Variants in TRIM32 observed in about 807,000 individuals in gnomAD.
The protein encoded by TRIM32 is E3 ubiquitin-protein ligase TRIM32.
In TRIM32, 19 loss-of-function variants were observed where a neutral mutation model predicts 36.0. The ratio of observed to expected loss-of-function variants is 0.53; its 90% CI spans 0.37 to 0.77. TRIM32 has a LOEUF of 0.77. Ranked by LOEUF, TRIM32 falls within the 30% of genes least tolerant of loss-of-function variation. TRIM32 has a pLI of 0.00. For missense variants in TRIM32, 747 were observed against 845.2 expected (o/e 0.88, Z 1.44); for synonymous variants, 309 against 318.5 (o/e 0.97, Z 0.32).
At position 116,698,190 on chromosome 9, in the gene TRIM32, G is replaced by A. The variant is rs755561234; in HGVS notation, c.448G>A (p.Gly150Arg). The part of the protein sequence containing the change: ...EAAEERRRDF[G>R]EKLTRLRELM... ...AGCTGAGGAGCGGCGTCGGGACTTT[G>A]GAGAGAAGTTAACTCGTCTGCGGGA... The change falls in exon 2 of 2, where the codon GGA becomes AGA. Residue 150 changes from glycine to arginine, a missense_variant. By Grantham distance (125) the Gly-to-Arg change is moderately radical. Transcript: ENST00000450136. The surrounding 1 kb of genome is among the most constrained non-coding windows in gnomAD (Gnocchi z 4.4). 2 of 1,614,190 alleles carry A rather than the reference G, an allele frequency of 1.2e-6. No homozygotes were observed. The highest frequency in any genetic ancestry group is 1.1e-5 in the South Asian group (1 of 91,088).
rs751028044 is a variant in TRIM32 at position 116,697,921 on chromosome 9, G to T, written c.179G>T (p.Arg60Leu). 6.2e-7 allele frequency: 1 copy of T among 1,614,184 alleles called. No individual in the cohort carries two copies. The highest frequency in any genetic ancestry group is 1.7e-5 in the Admixed American group (1 of 60,030). The change falls in exon 2 of 2, where the codon CGC becomes CTC. Residue 60 changes from arginine to leucine, a missense_variant. Coordinates refer to ENST00000450136, the MANE Select transcript of TRIM32 (RefSeq NM_012210.4). The part of the protein sequence containing the change: ...KLLASSINGV[R>L]CPFCSKITRI... Reference sequence around the variant, plus strand: ...TTGGCCAGTAGCATCAATGGTGTCCGCTGTCCCTTTTGCAGCAAGATTACC... The same window carrying T: ...TTGGCCAGTAGCATCAATGGTGTCCTCTGTCCCTTTTGCAGCAAGATTACC...
chr9:116,693,933 A>T (rs191705012), intron 1 of TRIM32, among the ~76,000 whole-genome samples: 1 of 152,266 alleles, frequency 6.6e-6, no homozygotes, highest in East Asian at 1.9e-4. Flanking sequence ...TCAGGCTAAG[A>T]TCCTTCACAA....
Position 116,699,603 on chromosome 9 carries a change from G to A in TRIM32, c.1861G>A (p.Gly621Ser), listed in dbSNP as rs551522802. 3.1e-6 allele frequency: 5 copies of A among 1,614,034 alleles called. No individual in the cohort carries two copies. Among genetic ancestry groups the A allele is most frequent in the Non-Finnish European group, 4.2e-6 (5 of 1,180,044 alleles). The change falls in exon 2 of 2, where the codon GGC becomes AGC. Residue 621 changes from glycine to serine, a missense_variant. Physicochemically the swap from Gly to Ser is moderately conservative, Grantham distance 56. Transcript: ENST00000450136. The surrounding 1 kb of genome is among the most constrained non-coding windows in gnomAD (Gnocchi z 4.2). The stretch of plus-strand genomic sequence containing the variant: ...TCGAGAGGGACTTACCTGTCCGGTG[G>A]GCATAGCCCTAACTCCTAAGGGGCA... ...LIREGLTCPVGIALTPKGQLL... is the reference protein window; with the variant it reads ...LIREGLTCPVSIALTPKGQLL...
rs376007099 is a variant in TRIM32 at position 116,698,349 on chromosome 9, C to A, written c.607C>A (p.Arg203=). The part of the protein sequence containing the change: ...RRVQDELARS[R]KFFTGSLAEV... ...GGTCCAGGATGAGCTGGCTCGCTCT[C>A]GGAAGTTCTTCACAGGCTCTTTGGC... The change falls in exon 2 of 2, where the codon CGG becomes AGG. Residue 203 remains arginine (R), a synonymous_variant. Transcript: ENST00000450136. The surrounding 1 kb of genome is among the most constrained non-coding windows in gnomAD (Gnocchi z 4.4). The A allele has an allele frequency of 2.5e-6, 4 of 1,613,988 alleles. No homozygotes were observed. Among genetic ancestry groups the A allele is most frequent in the African/African-American group, 1.3e-5 (1 of 74,896 alleles).
rs1272767412 is a variant in TRIM32, at chr9:116,698,637, C to T, written c.895C>T (p.Arg299Trp). ...LQIGQAVKKP[R>W]TVNVEDSWAM... ...AATTGGACAAGCTGTTAAGAAGCCCCGGACAGTTAACGTGGAAGATTCCTG... is the reference window on the plus strand; with the variant it reads ...AATTGGACAAGCTGTTAAGAAGCCCTGGACAGTTAACGTGGAAGATTCCTG... Residue 299 changes from arginine (R) to tryptophan (W), a missense_variant, in exon 2 of 2, where the codon CGG becomes TGG. Physicochemically the swap from Arg to Trp is moderately radical, Grantham distance 101. Transcript: ENST00000450136. The surrounding 1 kb of genome is among the most constrained non-coding windows in gnomAD (Gnocchi z 4.4). 6 of 1,613,972 alleles carry T rather than the reference C, an allele frequency of 3.7e-6. No individual in the cohort carries two copies. The highest frequency in any genetic ancestry group is 2.2e-5 in the East Asian group (1 of 44,878).
Position 116,698,485 on chromosome 9 carries a change from A to C in TRIM32, c.743A>C (p.Gln248Pro). ...GACTACTTCCTGGCCAAGATCAAGC[A>C]GGCAGATGTAGCACTACTGGAGGAG... ...RCDYFLAKIK[Q>P]ADVALLEETA... The change falls in exon 2 of 2, where the codon CAG becomes CCG. Residue 248 changes from glutamine to proline, a missense_variant. Physicochemically the swap from Gln to Pro is moderately conservative, Grantham distance 76 (BLOSUM62 -1). Coordinates refer to ENST00000450136, the MANE Select transcript of TRIM32 (RefSeq NM_012210.4). This position sits in a 1 kb window ranked among gnomAD's most constrained non-coding sequence, Gnocchi z 4.4. The C allele has an allele frequency of 6.2e-7, 1 of 1,613,912 alleles. No homozygotes were observed. Among genetic ancestry groups the C allele is most frequent in the Non-Finnish European group, 8.5e-7 (1 of 1,180,014 alleles).
Position 116,701,081 on chromosome 9 carries a change from G to A in TRIM32, c.*1377G>A, listed in dbSNP as rs1861148596. 6.0e-6 allele frequency: 1 copy of A among 167,118 alleles called. No individual in the cohort carries two copies. The highest frequency in any genetic ancestry group is 2.4e-5 in the African/African-American group (1 of 41,466). The allele number at this position is 167,118 out of a possible 1,614,324, so 10.4% of individuals were successfully genotyped here. The stretch of plus-strand genomic sequence containing the variant: ...ATCAGAAGTGGGTGAGAGGACCTGT[G>A]ATGAGGTTCCTGAGGGTTTGGTGTT... On this transcript the variant is annotated 3_prime_UTR_variant, in exon 2 of 2. Coordinates refer to ENST00000450136, the MANE Select transcript of TRIM32 (RefSeq NM_012210.4).
intron 1 of TRIM32, among the ~76,000 whole-genome samples, chr9:116,689,240 C>A (rs924216660): frequency 6.6e-6 from 1 of 152,186 alleles, no homozygotes; most frequent in Non-Finnish European, 1.5e-5. Flanking sequence ...CTAGCTCTAT[C>A]TCTTCCTGAC....
At chr9:116,696,740 A>G (rs1398792843) in intron 1 of TRIM32, among the ~76,000 whole-genome samples, 3 of 152,170 alleles carry the variant, frequency 2.0e-5, no homozygotes, top group African/African-American at 7.2e-5. Context: ...CAGGATCTGT[A>G]TCCTAAAGAC....
chr9:116,691,851 A>G (rs1300724122), intron 1 of TRIM32, among the ~76,000 whole-genome samples: 1 of 152,212 alleles, frequency 6.6e-6, no homozygotes, highest in East Asian at 1.9e-4. Flanking sequence ...TGAGGAATAA[A>G]GTTTAGAAAG....
chr9:116,698,877 G>A lies in TRIM32; in HGVS notation c.1135G>A (p.Val379Met), dbSNP rs1861026363. Residue 379 changes from valine to methionine, a missense_variant, in exon 2 of 2, where the codon GTG (valine) becomes ATG (methionine). By Grantham distance (21) the Val-to-Met change is conservative. Transcript: ENST00000450136. This position sits in a 1 kb window ranked among gnomAD's most constrained non-coding sequence, Gnocchi z 4.4. ...GMFNLPVSLY[V>M]TSQGEVLVAD... ...GTTCAATCTTCCAGTCAGTCTCTAC[G>A]TGACCAGTCAAGGTGAAGTACTAGT... The A allele has an allele frequency of 2.5e-6, 4 of 1,614,240 alleles. No homozygotes were observed. Among genetic ancestry groups the A allele is most frequent in the East Asian group, 2.2e-5 (1 of 44,872 alleles).
At chr9:116,688,730 G>A (rs1022870356) in intron 1 of TRIM32, among the ~76,000 whole-genome samples, 5 of 152,162 alleles carry the variant, frequency 3.3e-5, no homozygotes, top group Non-Finnish European at 7.4e-5. Flanking sequence ...GTACCCCCAA[G>A]CTACGATAGC....
rs2132079257 is a variant in TRIM32, at chr9:116,701,010, G to A, written c.*1306G>A. ...TCTGAGCTTCTGCTGTATGTTTTAT[G>A]TTTATAATTACAGTTCACAAAAAGG... is the stretch of plus-strand genomic sequence containing the variant. On this transcript the variant is annotated 3_prime_UTR_variant, in exon 2 of 2. Coordinates refer to ENST00000450136, the MANE Select transcript of TRIM32 (RefSeq NM_012210.4). 6.0e-6 allele frequency: 1 copy of A among 167,154 alleles called. No individual in the cohort carries two copies. The highest frequency in any genetic ancestry group is 2.4e-5 in the African/African-American group (1 of 41,570). The allele number at this position is 167,154 out of a possible 1,614,324, so 10.4% of individuals were successfully genotyped here.
intron 1 of TRIM32, among the ~76,000 whole-genome samples, chr9:116,693,470 GCAGCCAGAGTAGAC>G (rs1860676832): frequency 6.6e-6 from 1 of 152,202 alleles, no homozygotes; most frequent in South Asian, 2.1e-4. Flanking sequence ...GAGTCTTAGG[GCAGCCAGAGTAGAC>G]ACAGCTTAAG....
At position 116,687,358 on chromosome 9, in the gene TRIM32, C is replaced by T; in HGVS notation, c.-105C>T. ...AGGCGGGTGGGCTGCCGGCGGTGGA[C>T]TCGTCGGAGCCGCGGGCGGTCAGGT... is the stretch of plus-strand genomic sequence containing the variant. On this transcript the variant is annotated 5_prime_UTR_variant, in exon 1 of 2. Coordinates refer to ENST00000450136, the MANE Select transcript of TRIM32 (RefSeq NM_012210.4). 1 of 698,550 alleles carries T rather than the reference C, an allele frequency of 1.4e-6. No individual in the cohort carries two copies. The highest frequency in any genetic ancestry group is 1.8e-6 in the Non-Finnish European group (1 of 569,112). The allele number at this position is 698,550 out of a possible 1,614,324, so 43.3% of individuals were successfully genotyped here. A position where few individuals can be genotyped will look rare whatever the true frequency, so the allele number is the denominator to read the frequency against.
At chr9:116,689,843 G>A (rs1189289836) in intron 1 of TRIM32, among the ~76,000 whole-genome samples, 1 of 152,082 alleles carries the variant, frequency 6.6e-6, no homozygotes, top group Non-Finnish European at 1.5e-5. Context: ...GAGGTGCAAC[G>A]GACTATAGGG....
rs1046346181 is a variant in TRIM32 at position 116,699,879 on chromosome 9, C to T, written c.*175C>T. 7.3e-6 allele frequency: 6 copies of T among 816,420 alleles called. No individual in the cohort carries two copies. Among genetic ancestry groups the T allele is most frequent in the East Asian group, 2.7e-5 (1 of 37,348 alleles). The allele number at this position is 816,420 out of a possible 1,614,324, so 50.6% of individuals were successfully genotyped here. A position where few individuals can be genotyped will look rare whatever the true frequency, so the allele number is the denominator to read the frequency against. ...TTTTTATTTGTTATGTCCCCCTCCC[C>T]GCTTCCCACCTAAATTTAGAGCTTT... is the stretch of plus-strand genomic sequence containing the variant. On this transcript the variant is annotated 3_prime_UTR_variant, in exon 2 of 2. Coordinates refer to ENST00000450136, the MANE Select transcript of TRIM32 (RefSeq NM_012210.4). This position sits in a 1 kb window ranked among gnomAD's most constrained non-coding sequence, Gnocchi z 4.2.
At position 116,699,493 on chromosome 9, in the gene TRIM32, A is replaced by T. The variant is rs1373814176; in HGVS notation, c.1751A>T (p.Asp584Val). 1 of 1,614,144 alleles carries T rather than the reference A, an allele frequency of 6.2e-7. No homozygotes were observed. The highest frequency in any genetic ancestry group is 1.7e-5 in the Admixed American group (1 of 60,030). Residue 584 changes from aspartate to valine, a missense_variant, in exon 2 of 2, where the codon GAT becomes GTT. Physicochemically the swap from Asp to Val is radical, Grantham distance 152 (BLOSUM62 -3). Coordinates refer to ENST00000450136, the MANE Select transcript of TRIM32 (RefSeq NM_012210.4). This position sits in a 1 kb window ranked among gnomAD's most constrained non-coding sequence, Gnocchi z 4.2. ...CGCTGCATTGCTGGCATGTGTGTGG[A>T]TGCTCGTGGTGATCTCATCGTGGCT... is the stretch of plus-strand genomic sequence containing the variant. ...DFRCIAGMCV[D>V]ARGDLIVADS...
rs1309565037 is a variant in TRIM32 at position 116,699,609 on chromosome 9, G to A, written c.1867G>A (p.Ala623Thr). Residue 623 changes from alanine (A) to threonine (T), a missense_variant, in exon 2 of 2, where the codon GCC becomes ACC. Coordinates refer to ENST00000450136, the MANE Select transcript of TRIM32 (RefSeq NM_012210.4). The surrounding 1 kb of genome is among the most constrained non-coding windows in gnomAD (Gnocchi z 4.2). ...REGLTCPVGI[A>T]LTPKGQLLVL... ...GGGACTTACCTGTCCGGTGGGCATA[G>A]CCCTAACTCCTAAGGGGCAGCTGCT... 1 of 1,614,100 alleles carries A rather than the reference G, an allele frequency of 6.2e-7. No homozygotes were observed. Among genetic ancestry groups the A allele is most frequent in the African/African-American group, 1.3e-5 (1 of 74,944 alleles).
Sources: gnomAD v4.1 joint callset for allele counts (sites outside exome capture counted in the v4.1 genomes callset) on GRCh38, gnomAD v4.1.1 for gene constraint, Gnocchi (gnomAD v3.1) non-coding constraint, MANE v1.5 for transcripts, NCBI Gene and HGNC (gene_info 2026-07-23, HGNC 2026-07-21) for gene names.